Variants in ZNF536 observed in about 807,000 individuals in gnomAD.
The protein encoded by ZNF536 is zinc finger protein 536.
Under a neutral mutation model 84.5 loss-of-function variants are expected in ZNF536, and 13 were observed. The ratio of observed to expected loss-of-function variants is 0.15; its 90% confidence interval spans 0.10 to 0.24. ZNF536 has a LOEUF of 0.24. Among genes scored for constraint, ZNF536 ranks in the 10% least tolerant of loss-of-function variants. ZNF536 has a pLI of 1.00. For synonymous variants in ZNF536, 811 were observed against 742.5 expected, an observed-to-expected ratio of 1.09 and a Z score of -1.50; for missense variants, 1,536 against 1,747.5, an observed-to-expected ratio of 0.88 and a Z score of 2.16.
Position 30,341,309 on chromosome 19 carries a change from C to T in ZNF536, c.-119-11059C>T, listed in dbSNP as rs187728938. ...TTGAGATTGCAGTGATGTTGGGAAC[C>T]GTGAAGTAACTTATGAGTCTCAATA... On this transcript the variant is annotated intron_variant, in intron 2 of 5. Coordinates refer to the ZNF536 transcript ENST00000585628. Among the ~76,000 whole-genome samples the T allele has an allele frequency of 9.6e-4, 146 of 152,202 alleles. 1 individual carries two copies. The highest frequency in any genetic ancestry group is 1.6e-3 in the Admixed American group (25 of 15,294).
chr19:30,703,783 T>C (rs1030716085), intron 1 of ZNF536, among the ~76,000 whole-genome samples: 1 of 152,192 alleles, frequency 6.6e-6, no homozygotes, highest in Non-Finnish European at 1.5e-5. Context: ...TTCTTCGTCA[T>C]TTACCAATGT....
intron 1 of ZNF536, among the ~76,000 whole-genome samples, chr19:30,567,679 G>A (rs780500195): frequency 2.0e-5 from 3 of 152,090 alleles, no homozygotes; most frequent in Admixed American, 6.5e-5. Flanking sequence ...GCCCCCAACC[G>A]CGACAGCAGC....
At chr19:30,545,707 C>T (rs2045526082) in intron 3 of ZNF536, among the ~76,000 whole-genome samples, 1 of 152,186 alleles carries the variant, frequency 6.6e-6, no homozygotes, top group East Asian at 1.9e-4. Flanking sequence ...TCCTGTGTGC[C>T]TTTCAAACAT....
intron 1 of ZNF536, among the ~76,000 whole-genome samples, chr19:30,646,827 C>G (rs145366106): frequency 6.6e-6 from 1 of 152,100 alleles, no homozygotes. Context: ...CACGTTTGGG[C>G]GCATTTCCGA....
rs551404288 is a variant in ZNF536, at chr19:30,681,803, T to C, written c.170-28954T>C. Among the ~76,000 whole-genome samples the C allele has an allele frequency of 1.3e-3, 197 of 152,306 alleles. 1 individual carries two copies. The highest frequency in any genetic ancestry group is 3.5e-3 in the Admixed American group (54 of 15,296). On this transcript the variant is annotated intron_variant, in intron 1 of 1. Transcript: ENST00000592773. ...AGGTCCAGTTCCACCCTCTGGTCTC[T>C]GGGTAGCCCCCCTTCCCCAATGACA...
chr19:30,542,190 G>T (rs539134397), intron 3 of ZNF536, among the ~76,000 whole-genome samples: 1 of 152,292 alleles, frequency 6.6e-6, no homozygotes, highest in East Asian at 1.9e-4. Flanking sequence ...GAATCCACCT[G>T]TTATTTTTGG....
intron 2 of ZNF536, among the ~76,000 whole-genome samples, chr19:30,526,270 C>T (rs73026723): frequency 0.095 from 14,421 of 152,310 alleles, 947 homozygotes; most frequent in Non-Finnish European, 0.14. Flanking sequence ...TACCTGCCCA[C>T]AGCCAGCCCA....
chr19:30,429,095 G>A (rs2051338097), intron 1 of ZNF536, among the ~76,000 whole-genome samples: 1 of 152,226 alleles, frequency 6.6e-6, no homozygotes, highest in Admixed American at 6.5e-5. Flanking sequence ...GGAGGCTATA[G>A]AGGGAGGATC....
At chr19:30,660,994 G>A (rs1454345736) in intron 1 of ZNF536, among the ~76,000 whole-genome samples, 1 of 152,176 alleles carries the variant, frequency 6.6e-6, no homozygotes, top group East Asian at 1.9e-4. Context: ...CCCCACTCCA[G>A]ACGTGAGCCC....
chr19:30,384,104 CTTTCTTTCTTTCTTTCTTTCTTTCTT>C (rs2049201811), intron 1 of ZNF536, among the ~76,000 whole-genome samples: 8 of 56,880 alleles, frequency 1.4e-4, no homozygotes, highest in South Asian at 7.6e-4. Flanking sequence ...CTTTCTCTTT[CTTTCTTTCTTTCTTTCTTTCTTTCTT>C]TCTTTCTTTC....
At chr19:30,580,559 G>A (rs991276340) in intron 1 of ZNF536, among the ~76,000 whole-genome samples, 9 of 152,136 alleles carry the variant, frequency 5.9e-5, no homozygotes, top group African/African-American at 9.7e-5. Context: ...AGGGTATGCT[G>A]TAGTGGTGCT....
At position 30,671,066 on chromosome 19, in the gene ZNF536, C is replaced by T. The variant is rs190309196; in HGVS notation, c.170-39691C>T. ...TTTTCCCGTTCACTCAATGCACGCA[C>T]GTGCTTCTGCATGTGAGGCTCACCA... is the stretch of plus-strand genomic sequence containing the variant. On this transcript the variant is annotated intron_variant, in intron 1 of 1. Coordinates refer to the ZNF536 transcript ENST00000592773. Among the ~76,000 whole-genome samples the T allele has an allele frequency of 2.4e-3, 369 of 152,304 alleles. 2 individuals are homozygous for T. Among genetic ancestry groups the T allele is most frequent in the Non-Finnish European group, 3.8e-3 (259 of 68,034 alleles).
intron 2 of ZNF536, among the ~76,000 whole-genome samples, chr19:30,308,345 G>C (rs575183908): frequency 6.6e-6 from 1 of 152,072 alleles, no homozygotes; most frequent in African/African-American, 2.4e-5. Flanking sequence ...ATGTAATCTT[G>C]TGAACATTTT....
chr19:30,509,117 G>A (rs1412574293), intron 2 of ZNF536, among the ~76,000 whole-genome samples: 1 of 151,154 alleles, frequency 6.6e-6, no homozygotes, highest in African/African-American at 2.4e-5. Context: ...TTACAGGCAT[G>A]AGCCACCATG....
At position 30,269,007 on chromosome 19, in the gene ZNF536, T is replaced by C. The variant is rs765290670; in HGVS notation, c.-189-15065T>C. Reference sequence around the variant, plus strand: ...TGGGAAAACACTTTGGAAAAACAACTAGTGATACAATGCAAGTCCCGCTCA... The same window carrying C: ...TGGGAAAACACTTTGGAAAAACAACCAGTGATACAATGCAAGTCCCGCTCA... On this transcript the variant is annotated intron_variant, in intron 1 of 5. Coordinates refer to the ZNF536 transcript ENST00000585628. Among the ~76,000 whole-genome samples the C allele has an allele frequency of 2.4e-4, 37 of 152,328 alleles. No homozygotes were observed. In the Middle Eastern group the frequency reaches 0.01, roughly 42 times the overall value.
chr19:30,630,894 A>T (rs1207726743), intron 1 of ZNF536, among the ~76,000 whole-genome samples: 1 of 152,252 alleles, frequency 6.6e-6, no homozygotes, highest in African/African-American at 2.4e-5. Flanking sequence ...CAGATAACAG[A>T]TGCAGACCAG....
intron 1 of ZNF536, among the ~76,000 whole-genome samples, chr19:30,276,227 T>A (rs931518101): frequency 6.6e-6 from 1 of 152,126 alleles, no homozygotes; most frequent in Non-Finnish European, 1.5e-5. Flanking sequence ...ATGCAAAACT[T>A]TGGAAATCTG....
chr19:30,444,439 A>G lies in ZNF536; in HGVS notation c.877A>G (p.Ile293Val), dbSNP rs1182786583. 6.2e-7 allele frequency: 1 copy of G among 1,609,582 alleles called. No homozygotes were observed. Among genetic ancestry groups the G allele is most frequent in the Non-Finnish European group, 8.5e-7 (1 of 1,179,912 alleles). Residue 293 changes from isoleucine to valine, a missense_variant, in exon 2 of 5, where the codon ATC (isoleucine) becomes GTC (valine). Ile to Val is a conservative substitution (Grantham distance 29). Around this residue, in one of 8 missense-constraint regions of ZNF536, gnomAD observed 61 missense variants for 104.0 expected, o/e 0.59. Transcript: ENST00000355537. ...GAAGCGCGAGGAGCTGGACCGCCAC[A>G]TCCGCATCTTGCACAAGCCCTACAA... Reference protein sequence around the residue: ...FKKREELDRHIRILHKPYKCT... With the variant: ...FKKREELDRHVRILHKPYKCT...
intron 2 of ZNF536, among the ~76,000 whole-genome samples, chr19:30,453,279 T>C (rs33437): frequency 0.59 from 90,327 of 152,014 alleles, 27,222 homozygotes; most frequent in Non-Finnish European, 0.63. Flanking sequence ...GGGCTGGGTT[T>C]CCCTGGGAGC....
Sources: gnomAD v4.1 joint callset for allele counts (sites outside exome capture counted in the v4.1 genomes callset) on GRCh38, gnomAD v4.1.1 for gene constraint, gnomAD v4.1.1 regional missense constraint, MANE v1.5 for transcripts, NCBI Gene and HGNC (gene_info 2026-07-23, HGNC 2026-07-21) for gene names.